The following ATP2C1 variants were observed in gnomAD, a reference collection of about 807,000 sequenced individuals.
The protein encoded by ATP2C1 is ATPase secretory pathway Ca2+ transporting 1.
In ATP2C1, 31 loss-of-function variants were observed where a neutral mutation model predicts 120.5. The ratio of observed to expected loss-of-function variants is 0.26; its 90% CI spans 0.19 to 0.35. The LOEUF is 0.35. Among genes scored for constraint, ATP2C1 ranks in the 10% least tolerant of loss-of-function variants. The pLI is 1.00. For missense variants in ATP2C1, 731 were observed against 1,107.5 expected (o/e 0.66, Z 4.83); for synonymous variants, 351 against 358.7 (o/e 0.98, Z 0.24).
At position 130,996,683 on chromosome 3, in the gene ATP2C1, T is replaced by C. The variant is rs1197020703; in HGVS notation, c.2130T>C (p.Ser710=). Residue 710 remains serine, a synonymous_variant, in exon 24 of 28, where the codon AGT becomes AGC. Coordinates refer to ENST00000510168, the MANE Select transcript of ATP2C1 (RefSeq NM_001378687.1). ...AAATGACTCTCTTTTTCAACAGGAG[T>C]ATAGCAGCATTAACTTTAATCTCAT... is the stretch of plus-strand genomic sequence containing the variant. The part of the protein sequence containing the change: ...KNFVRFQLST[S]IAALTLISLA... 1 of 1,576,260 alleles carries C rather than the reference T, an allele frequency of 6.3e-7. No individual in the cohort carries two copies. Among genetic ancestry groups the C allele is most frequent in the Non-Finnish European group, 8.7e-7 (1 of 1,145,794 alleles).
chr3:130,854,898 C>A (rs2067788198), intron 1 of ATP2C1, among the ~76,000 whole-genome samples: 1 of 152,212 alleles, frequency 6.6e-6, no homozygotes, highest in South Asian at 2.1e-4. Flanking sequence ...ATATCTCCAT[C>A]TGAATGTCTT....
rs764331104 is a variant in ATP2C1, at chr3:130,979,201, C to T, written c.1571-48C>T. ...TCTATCAACTAAATTCTGATGTTTTCATGACTCACTTTTTTTTGTTGTTGT... is the reference window on the plus strand; with the variant it reads ...TCTATCAACTAAATTCTGATGTTTTTATGACTCACTTTTTTTTGTTGTTGT... On this transcript the variant is annotated intron_variant, in intron 18 of 27. Coordinates refer to ENST00000510168, the MANE Select transcript of ATP2C1 (RefSeq NM_001378687.1). 1.8e-5 allele frequency: 28 copies of T among 1,591,098 alleles called. No homozygotes were observed. In the South Asian group the frequency reaches 3.1e-4, roughly 18 times the overall value.
chr3:130,930,649 G>A, intron 3 of ATP2C1, 123 bp downstream of exon 3: 1 of 737,934 alleles, frequency 1.4e-6, no homozygotes, highest in Non-Finnish European at 2.5e-6. Flanking sequence ...GTGCCATTCA[G>A]CATAGTAGCC....
At chr3:130,895,312 T>G (rs1193674439) in intron 2 of ATP2C1, among the ~76,000 whole-genome samples, 1 of 152,232 alleles carries the variant, frequency 6.6e-6, no homozygotes. Context: ...AGTGCTTTTC[T>G]TAAAGTTCCA....
intron 2 of ATP2C1, chr3:130,919,230 C>CT (rs903137983): frequency 3.1e-4 from 49 of 159,606 alleles, no homozygotes; most frequent in East Asian, 9.2e-4. Flanking sequence ...TTCTTTCTTT[C>CT]TTTTTTTTTT....
At chr3:130,911,767 G>A (rs910912239) in intron 2 of ATP2C1, among the ~76,000 whole-genome samples, 8 of 149,972 alleles carry the variant, frequency 5.3e-5, no homozygotes, top group Non-Finnish European at 1.2e-4. Flanking sequence ...AGTTCATATG[G>A]AACCAAAAAA....
chr3:130,998,210 A>G (rs1182496917), intron 25 of ATP2C1, 84 bp from the exon 26 acceptor site: 1 of 951,342 alleles, frequency 1.1e-6, no homozygotes, highest in African/African-American at 1.6e-5. Flanking sequence ...TAATGGAAAG[A>G]AAATGTTTAT....
chr3:130,850,798 A>G, exon 1 of ATP2C1: 1 of 1,231,650 alleles, frequency 8.1e-7, no homozygotes, highest in Non-Finnish European at 1.1e-6. Context: ...GGTGCAGACA[A>G]GGACCCTCTT....
chr3:130,925,132 G>A (rs2108291483), intron 2 of ATP2C1, among the ~76,000 whole-genome samples: 1 of 152,214 alleles, frequency 6.6e-6, no homozygotes, highest in Non-Finnish European at 1.5e-5. Context: ...CGATCTTTTG[G>A]TGGTGTTAAA....
At chr3:130,901,436 T>C (rs1248964832) in intron 2 of ATP2C1, among the ~76,000 whole-genome samples, 1 of 152,064 alleles carries the variant, frequency 6.6e-6, no homozygotes, top group Non-Finnish European at 1.5e-5. Flanking sequence ...GTGGTTTGTA[T>C]CTATATTAGA....
At chr3:130,858,512 ACTTGGTAACTGTC>A (rs1199557374) in intron 1 of ATP2C1, among the ~76,000 whole-genome samples, 1 of 152,158 alleles carries the variant, frequency 6.6e-6, no homozygotes, top group Non-Finnish European at 1.5e-5. Flanking sequence ...CTTTGAAGGC[ACTTGGTAACTGTC>A]CTTTGCTGTA....
chr3:130,943,221 T>A (rs1342481471), intron 8 of ATP2C1, among the ~76,000 whole-genome samples: 1 of 152,206 alleles, frequency 6.6e-6, no homozygotes, highest in Non-Finnish European at 1.5e-5. Context: ...GTGAATTTTT[T>A]ATTTTTGTTT....
intron 17 of ATP2C1, 138 bp from the exon 18 acceptor site, chr3:130,975,194 T>C (rs2061488632): frequency 1.3e-6 from 1 of 785,442 alleles, no homozygotes; most frequent in Non-Finnish European, 2.2e-6. Context: ...ATCTTCAGAG[T>C]TCAGGTGGCA....
intron 1 of ATP2C1, chr3:130,869,429 T>TAAAAAAAAAAAAAAAAAA (rs762137045): frequency 3.8e-5 from 4 of 106,628 alleles, no homozygotes; most frequent in African/African-American, 7.8e-5. Context: ...CAATAAAAAA[T>TAAAAAAAAAAAAAAAAAA]AAAAAAAAAA....
intron 1 of ATP2C1, among the ~76,000 whole-genome samples, chr3:130,855,396 G>A (rs932711505): frequency 2.0e-5 from 3 of 152,194 alleles, no homozygotes; most frequent in Non-Finnish European, 4.4e-5. Context: ...TAGAGAAGCC[G>A]TGGGGTTGGA....
intron 18 of ATP2C1, 23 bp downstream of exon 18, chr3:130,975,511 C>A: frequency 6.2e-7 from 1 of 1,612,034 alleles, no homozygotes; most frequent in African/African-American, 1.3e-5. Flanking sequence ...CAGCATAGTC[C>A]CCTGGGGTGG....
At chr3:130,991,547 TA>T (rs897614155) in intron 20 of ATP2C1, among the ~76,000 whole-genome samples, 1 of 151,684 alleles carries the variant, frequency 6.6e-6, no homozygotes, top group Non-Finnish European at 1.5e-5. Context: ...CTCTTCCATT[TA>T]AAAAAAATAA....
At chr3:130,987,901 T>C (rs2062099799) in intron 20 of ATP2C1, among the ~76,000 whole-genome samples, 1 of 152,244 alleles carries the variant, frequency 6.6e-6, no homozygotes. Flanking sequence ...TTTTGCTTGT[T>C]ATTAAGTCAT....
At chr3:130,867,169 C>T (rs1430503979) in intron 1 of ATP2C1, among the ~76,000 whole-genome samples, 1 of 152,176 alleles carries the variant, frequency 6.6e-6, no homozygotes, top group African/African-American at 2.4e-5. Flanking sequence ...CTCCTTGGGC[C>T]TTCCTATTTC....
Sources: gnomAD v4.1 joint callset for allele counts (sites outside exome capture counted in the v4.1 genomes callset) on GRCh38, gnomAD v4.1.1 for gene constraint, MANE v1.5 for transcripts, NCBI Gene and HGNC (gene_info 2026-07-23, HGNC 2026-07-21) for gene names.